Variants in PTPRN2 observed in about 807,000 individuals in gnomAD.
PTPRN2 encodes the protein protein tyrosine phosphatase receptor type N2.
Under a neutral mutation model 118.8 loss-of-function variants are expected in PTPRN2, and 74 were observed. That is an observed-to-expected ratio of 0.62 (90% confidence interval 0.52 to 0.76). PTPRN2 has a LOEUF of 0.76. Ranked by LOEUF, PTPRN2 falls within the 30% of genes least tolerant of loss-of-function variation. PTPRN2 has a pLI of 0.00. For synonymous variants in PTPRN2, 641 were observed against 608.0 expected, an observed-to-expected ratio of 1.05 and a Z score of -0.80; for missense variants, 1,481 against 1,394.4, an observed-to-expected ratio of 1.06 and a Z score of -0.99.
At chr7:157,621,552 G>A (rs370632419) in intron 14 of PTPRN2, 43 bp from the exon 15 acceptor site, 449 of 1,600,722 alleles carry the variant, frequency 2.8e-4, no homozygotes, top group Non-Finnish European at 3.5e-4. Context: ...TAGGTGGTGA[G>A]CCCAGACCGG....
At chr7:158,004,505 A>G (rs558676556) in intron 11 of PTPRN2, among the ~76,000 whole-genome samples, 1 of 152,380 alleles carries the variant, frequency 6.6e-6, no homozygotes, top group Non-Finnish European at 1.5e-5. Context: ...AAAGTAATTC[A>G]AAACAATCCT....
At chr7:158,035,280 C>T (rs1231184090) in intron 11 of PTPRN2, among the ~76,000 whole-genome samples, 2 of 152,208 alleles carry the variant, frequency 1.3e-5, no homozygotes, top group African/African-American at 2.4e-5. Flanking sequence ...ATTTCGAGCA[C>T]ACATTGTAAA....
intron 11 of PTPRN2, among the ~76,000 whole-genome samples, chr7:158,007,289 G>A (rs1027562451): frequency 1.2e-4 from 18 of 152,224 alleles, no homozygotes; most frequent in Admixed American, 3.9e-4. Context: ...GCGGCAGTGC[G>A]GGGTGTGGCT....
chr7:158,511,651 C>T (rs1823187246), intron 1 of PTPRN2, among the ~76,000 whole-genome samples: 1 of 152,200 alleles, frequency 6.6e-6, no homozygotes, highest in Admixed American at 6.5e-5. Context: ...CACACATCAG[C>T]TTCACCCATG....
chr7:157,667,309 G>A (rs1000892586), intron 13 of PTPRN2, among the ~76,000 whole-genome samples: 10 of 145,624 alleles, frequency 6.9e-5, no homozygotes, highest in African/African-American at 2.4e-4. Context: ...TGGGTGCAAC[G>A]AGTACACAGC....
intron 2 of PTPRN2, among the ~76,000 whole-genome samples, chr7:158,473,377 G>A (rs1820011095): frequency 6.6e-6 from 1 of 152,210 alleles, no homozygotes; most frequent in Non-Finnish European, 1.5e-5. Context: ...AAACCCCTCT[G>A]ACGAGCTGTT....
rs375365078 is a variant in PTPRN2 at position 158,294,650 on chromosome 7, G to A, written c.277+22169C>T. ...TGAGCCAGGCCAGGCAGGAGCAAGC[G>A]GGGAGGGAGGAGTGTTCCCGGGGGA... On this transcript the variant is annotated intron_variant, in intron 3 of 22. Coordinates refer to ENST00000389418, the MANE Select transcript of PTPRN2 (RefSeq NM_002847.5). 1.7e-4 allele frequency among the ~76,000 whole-genome samples: 25 copies of A among 147,068 alleles called. No homozygotes were observed. The East Asian group carries it at 2.6e-3, about 15-fold the overall frequency.
chr7:158,176,084 A>G (rs2150637294), intron 5 of PTPRN2, among the ~76,000 whole-genome samples: 1 of 151,588 alleles, frequency 6.6e-6, no homozygotes, highest in South Asian at 2.1e-4. Context: ...TTTGCCCGCC[A>G]CTCTTCCTTC....
intron 2 of PTPRN2, among the ~76,000 whole-genome samples, chr7:158,435,254 A>C (rs958386840): frequency 6.6e-6 from 1 of 152,238 alleles, no homozygotes; most frequent in African/African-American, 2.4e-5. Flanking sequence ...CCAATAACCA[A>C]AAACAAAATA....
chr7:158,195,842 C>T (rs1005700949), intron 4 of PTPRN2, among the ~76,000 whole-genome samples: 1 of 152,148 alleles, frequency 6.6e-6, no homozygotes, highest in African/African-American at 2.4e-5. Flanking sequence ...TAATCCATGT[C>T]TATATATTCA....
At chr7:157,546,396 G>A (rs1025116360) in intron 22 of PTPRN2, among the ~76,000 whole-genome samples, 1 of 152,198 alleles carries the variant, frequency 6.6e-6, no homozygotes, top group African/African-American at 2.4e-5. Context: ...ATTAAGCTCC[G>A]CATGCATTAG....
At chr7:157,897,528 A>C (rs1797200466) in intron 12 of PTPRN2, among the ~76,000 whole-genome samples, 1 of 152,220 alleles carries the variant, frequency 6.6e-6, no homozygotes, top group African/African-American at 2.4e-5. Flanking sequence ...AACACCAAGA[A>C]CAGGAGCACC....
At chr7:158,255,368 G>A (rs1796957240) in intron 3 of PTPRN2, among the ~76,000 whole-genome samples, 1 of 152,202 alleles carries the variant, frequency 6.6e-6, no homozygotes, top group Admixed American at 6.5e-5. Flanking sequence ...GCCCAGGGCA[G>A]GAGTCCACGG....
intron 2 of PTPRN2, among the ~76,000 whole-genome samples, chr7:158,340,604 C>T (rs1387138176): frequency 2.6e-5 from 3 of 115,016 alleles, no homozygotes; most frequent in African/African-American, 9.5e-5. Flanking sequence ...ACATCACTCA[C>T]ACCCACACAC....
At chr7:158,547,662 G>A (rs910753666) in intron 1 of PTPRN2, among the ~76,000 whole-genome samples, 4 of 152,192 alleles carry the variant, frequency 2.6e-5, no homozygotes, top group Admixed American at 1.3e-4. Context: ...CTGGAGCCCT[G>A]GGAGGCACTC....
chr7:157,680,130 C>G (rs753613147), intron 13 of PTPRN2, among the ~76,000 whole-genome samples: 1 of 152,200 alleles, frequency 6.6e-6, no homozygotes, highest in East Asian at 1.9e-4. Flanking sequence ...CTACCTTGCA[C>G]AATAATCTTT....
rs1463595910 is a variant in PTPRN2 at position 158,316,308 on chromosome 7, TCA to T, written c.277+509_277+510del. On this transcript the variant is annotated intron_variant, in intron 3 of 22. Transcript: ENST00000389418. ...CTGCTTCTGACCAAGAGCCCTCACT[TCA>T]CAGTCAAAGAAGCGCAGCAGTGGGC... is the stretch of plus-strand genomic sequence containing the variant. 1.3e-4 allele frequency among the ~76,000 whole-genome samples: 20 copies of T among 152,298 alleles called. No homozygotes were observed. In the East Asian group the frequency reaches 2.7e-3, roughly 21 times the overall value.
intron 11 of PTPRN2, among the ~76,000 whole-genome samples, chr7:157,915,486 C>T (rs772492043): frequency 2.2e-4 from 33 of 146,772 alleles, no homozygotes; most frequent in South Asian, 1.1e-3. Context: ...CCAGGAACAG[C>T]GCTGAACGCA....
chr7:158,045,276 C>T (rs1290075265), intron 11 of PTPRN2, among the ~76,000 whole-genome samples: 1 of 152,190 alleles, frequency 6.6e-6, no homozygotes, highest in East Asian at 1.9e-4. Context: ...GAGCTAGCCC[C>T]TCTGTCGGGA....
Sources: gnomAD v4.1 joint callset for allele counts (sites outside exome capture counted in the v4.1 genomes callset) on GRCh38, gnomAD v4.1.1 for gene constraint, MANE v1.5 for transcripts, NCBI Gene and HGNC (gene_info 2026-07-23, HGNC 2026-07-21) for gene names.